The following WASHC5 variants were observed in gnomAD, a reference collection of about 807,000 sequenced individuals.
WASHC5 encodes WASH complex subunit strumpellin.
WASHC5 carries 101 observed loss-of-function variants against 150.4 expected under a neutral mutation model. The observed-to-expected ratio is 0.67, with a 90% CI of 0.57 to 0.79. The LOEUF is 0.79. Ranked by LOEUF, WASHC5 falls within the 30% of genes least tolerant of loss-of-function variation. The pLI, the probability that WASHC5 is intolerant of heterozygous loss-of-function variation, is 0.00. For synonymous variants in WASHC5, 467 were observed against 491.2 expected, an observed-to-expected ratio of 0.95 and a Z score of 0.65; for missense variants, 1,195 against 1,396.3, an observed-to-expected ratio of 0.86 and a Z score of 2.30.
At chr8:125,034,490 G>A (rs1051701791) in intron 26 of WASHC5, among the ~76,000 whole-genome samples, 3 of 151,894 alleles carry the variant, frequency 2.0e-5, no homozygotes, top group Admixed American at 1.3e-4. Flanking sequence ...GTGACAGAGT[G>A]AGACTCTGTT....
At chr8:125,057,490 A>G in intron 15 of WASHC5, 66 bp downstream of exon 15, 4 of 1,086,296 alleles carry the variant, frequency 3.7e-6, no homozygotes, top group South Asian at 1.3e-5. Context: ...GGGCCTAAGC[A>G]TACTTTTTGT....
chr8:125,062,742 A>G (rs1290084064), intron 11 of WASHC5, among the ~76,000 whole-genome samples: 1 of 152,216 alleles, frequency 6.6e-6, no homozygotes, highest in Admixed American at 6.5e-5. Flanking sequence ...TTAAACAAGA[A>G]GCTACACTAC....
rs560264416 is a variant in WASHC5, at chr8:125,082,406, T to C, written c.394A>G (p.Asn132Asp). 6.9e-6 allele frequency: 11 copies of C among 1,583,600 alleles called. No individual in the cohort carries two copies. In the Admixed American group the frequency reaches 1.3e-4, roughly 19 times the overall value. Residue 132 changes from asparagine to aspartate, a missense_variant, in exon 4 of 29, where the codon AAT becomes GAT. Asn to Asp is a conservative substitution (Grantham distance 23, BLOSUM62 1). This residue lies in a region of WASHC5 where 195 missense variants were observed against 206.9 expected (regional missense o/e 0.94). Coordinates refer to ENST00000318410, the MANE Select transcript of WASHC5 (RefSeq NM_014846.4). ...ACTAGAAGTTGTTTTCCATCTTCAT[T>C]GAGAAGCACAGTTTCTAAGGTTTGC... ...IQQTLETVLL[N>D]EDGKQLLCEA...
intron 23 of WASHC5, among the ~76,000 whole-genome samples, chr8:125,043,037 T>G (rs1362147839): frequency 6.6e-6 from 1 of 152,230 alleles, no homozygotes; most frequent in Non-Finnish European, 1.5e-5. Flanking sequence ...TATGTGATAT[T>G]TTTGACCACA....
intron 10 of WASHC5, 38 bp downstream of exon 10, chr8:125,067,554 A>G: frequency 6.4e-7 from 1 of 1,551,246 alleles, no homozygotes; most frequent in Non-Finnish European, 8.9e-7. Flanking sequence ...AGCATAAAAA[A>G]GCTAAGACTG....
At chr8:125,043,482 G>A (rs1401123444) in intron 23 of WASHC5, among the ~76,000 whole-genome samples, 3 of 152,176 alleles carry the variant, frequency 2.0e-5, no homozygotes, top group Non-Finnish European at 2.9e-5. Context: ...GAGCAGATGA[G>A]GTGTGTATAA....
intron 5 of WASHC5, among the ~76,000 whole-genome samples, chr8:125,079,933 C>T (rs1176693246): frequency 6.6e-6 from 1 of 152,104 alleles, no homozygotes; most frequent in African/African-American, 2.4e-5. Context: ...GTGAACCTGA[C>T]ATTTTACAAA....
At position 125,083,729 on chromosome 8, in the gene WASHC5, T is replaced by C; in HGVS notation, c.170A>G (p.Asp57Gly). ...DQQKYGDIIFDFSYFKGPELW... is the reference protein window; with the variant it reads ...DQQKYGDIIFGFSYFKGPELW... ...GAAGATTACCTTAAAATAGCTGAAA[T>C]CAAATATGATATCTCCATATTTCTG... The change falls in exon 2 of 29, where the codon GAT (aspartate) becomes GGT (glycine). Residue 57 changes from aspartate to glycine, a missense_variant. Coordinates refer to ENST00000318410, the MANE Select transcript of WASHC5 (RefSeq NM_014846.4). The C allele has an allele frequency of 6.2e-7, 1 of 1,610,788 alleles. No homozygotes were observed. Among genetic ancestry groups the C allele is most frequent in the Non-Finnish European group, 8.5e-7 (1 of 1,177,228 alleles).
chr8:125,089,821 G>A (rs1817542336), intron 1 of WASHC5, among the ~76,000 whole-genome samples: 1 of 152,168 alleles, frequency 6.6e-6, no homozygotes, highest in South Asian at 2.1e-4. Context: ...AACTTTAAAA[G>A]AACATGAGGA....
intron 20 of WASHC5, 24 bp downstream of exon 20, chr8:125,047,183 T>C: frequency 1.2e-6 from 2 of 1,613,714 alleles, no homozygotes; most frequent in Non-Finnish European, 1.7e-6. Context: ...TATTCAGGGC[T>C]CTGTAGAATT....
intron 17 of WASHC5, among the ~76,000 whole-genome samples, chr8:125,051,351 TTC>T (rs1189990255): frequency 4.6e-5 from 7 of 152,246 alleles, no homozygotes; most frequent in African/African-American, 1.4e-4. Flanking sequence ...TGAGACTTGT[TTC>T]TTTTACTTTT....
chr8:125,043,513 A>G (rs971427456), intron 23 of WASHC5, among the ~76,000 whole-genome samples: 3 of 152,200 alleles, frequency 2.0e-5, no homozygotes, highest in African/African-American at 7.2e-5. Flanking sequence ...TTATGTAAAA[A>G]GGGAGTATTA....
intron 1 of WASHC5, among the ~76,000 whole-genome samples, chr8:125,084,341 T>A (rs1024433894): frequency 6.6e-6 from 1 of 152,180 alleles, no homozygotes; most frequent in Non-Finnish European, 1.5e-5. Context: ...ATACAAGCTA[T>A]CTCCTACTAT....
At chr8:125,058,579 T>G (rs1318103396) in intron 14 of WASHC5, among the ~76,000 whole-genome samples, 1 of 152,048 alleles carries the variant, frequency 6.6e-6, no homozygotes, top group South Asian at 2.1e-4. Flanking sequence ...AAACCCCATC[T>G]CTACTAAAAA....
chr8:125,040,023 A>C lies in WASHC5; in HGVS notation c.2851-125T>G, dbSNP rs943504272. 4.2e-6 allele frequency: 3 copies of C among 712,316 alleles called. No individual in the cohort carries two copies. In the East Asian group the frequency reaches 8.1e-5, roughly 19 times the overall value. The allele number at this position is 712,316 out of a possible 1,614,324, so 44.1% of individuals were successfully genotyped here. On this transcript the variant is annotated intron_variant, in intron 23 of 28. Transcript: ENST00000318410. ...ACATCACTCTACAGGAAAAAAAATA[A>C]GGATTTCCTGAACTGATCTCTTGGC...
At chr8:125,079,346 G>A (rs1273217062) in intron 5 of WASHC5, among the ~76,000 whole-genome samples, 3 of 150,950 alleles carry the variant, frequency 2.0e-5, no homozygotes, top group Admixed American at 1.3e-4. Flanking sequence ...ATTTGCCACC[G>A]TGCCTGGCTA....
chr8:125,025,009 A>G (rs1285553574), intron 28 of WASHC5, among the ~76,000 whole-genome samples: 1 of 152,034 alleles, frequency 6.6e-6, no homozygotes, highest in African/African-American at 2.4e-5. Context: ...ACACTTCATT[A>G]ACTGATGACC....
intron 21 of WASHC5, 57 bp downstream of exon 21, chr8:125,044,479 T>C (rs907002935): frequency 3.8e-6 from 6 of 1,591,874 alleles, no homozygotes; most frequent in Non-Finnish European, 5.2e-6. Flanking sequence ...CACTAAAATA[T>C]GTTCTTGCCT....
At chr8:125,059,352 C>CA (rs1816514606) in intron 13 of WASHC5, 24 bp downstream of exon 13, 1 of 1,613,814 alleles carries the variant, frequency 6.2e-7, no homozygotes, top group Non-Finnish European at 8.5e-7. Context: ...TCATCTACAG[C>CA]AAATGTCAGG....
Sources: gnomAD v4.1 joint callset for allele counts (sites outside exome capture counted in the v4.1 genomes callset) on GRCh38, gnomAD v4.1.1 for gene constraint, gnomAD v4.1.1 regional missense constraint, MANE v1.5 for transcripts, NCBI Gene and HGNC (gene_info 2026-07-23, HGNC 2026-07-21) for gene names.